NUGGC: variants seen among roughly 807,000 people sequenced by gnomAD.
NUGGC encodes the protein nuclear GTPase SLIP-GC.
A neutral mutation model predicts 92.6 loss-of-function variants in NUGGC; 58 were observed. The observed-to-expected ratio is 0.63, with a 90% CI of 0.51 to 0.78. The LOEUF (loss-of-function observed/expected upper bound fraction) is 0.78, where lower values mean the gene tolerates loss of function less well. NUGGC is among the 30% of genes least tolerant of loss of function. NUGGC has a pLI of 0.00. For missense variants in NUGGC, 925 were observed against 964.6 expected (o/e 0.96, Z 0.54); for synonymous variants, 376 against 366.4 (o/e 1.03, Z -0.30).
intron 2 of NUGGC, 118 bp from the exon 3 acceptor site, chr8:28,070,474 T>TGTCTGTAATCTG: frequency 1.7e-6 from 1 of 592,380 alleles, no homozygotes; most frequent in East Asian, 2.9e-5. Flanking sequence ...CAGTGGCTCA[T>TGTCTGTAATCTG]GTCTGTAATC....
At chr8:28,043,738 A>G (rs1196614868) in intron 12 of NUGGC, among the ~76,000 whole-genome samples, 2 of 152,202 alleles carry the variant, frequency 1.3e-5, no homozygotes, top group Non-Finnish European at 2.9e-5. Context: ...TTTGTAAAAT[A>G]CACCAACCTC....
In NUGGC at chr8:28,052,433, A is replaced by G. The variant is rs559395399; in HGVS notation, c.1206+3532T>C. ...TTGAGGATGAAATGTATTAAGATGA[A>G]GTCATAATGGAGTAGGGTGGGCCCC... On this transcript the variant is annotated intron_variant, in intron 10 of 18. Transcript: ENST00000413272. Among the ~76,000 whole-genome samples the G allele has an allele frequency of 2.6e-5, 4 of 152,322 alleles. No homozygotes were observed. In the South Asian group the frequency reaches 8.3e-4, roughly 32 times the overall value.
chr8:28,073,713 CCTT>C (rs1213238062), intron 2 of NUGGC, among the ~76,000 whole-genome samples: 1 of 152,164 alleles, frequency 6.6e-6, no homozygotes, highest in Non-Finnish European at 1.5e-5. Flanking sequence ...CTACATCTCT[CCTT>C]CTACGGAAAG....
At chr8:28,059,725 C>G (rs1183010999) in intron 8 of NUGGC, among the ~76,000 whole-genome samples, 1 of 152,064 alleles carries the variant, frequency 6.6e-6, no homozygotes, top group Non-Finnish European at 1.5e-5. Context: ...CCTGAAACAT[C>G]AAAGCTGTAC....
At chr8:28,030,504 C>T in intron 15 of NUGGC, 86 bp from the exon 16 acceptor site, 4 of 711,202 alleles carry the variant, frequency 5.6e-6, no homozygotes, top group South Asian at 1.5e-5. Flanking sequence ...CCACCATTCC[C>T]TCCACCTCCA....
At chr8:28,026,475 T>G (rs1809262804) in intron 18 of NUGGC, among the ~76,000 whole-genome samples, 1 of 152,194 alleles carries the variant, frequency 6.6e-6, no homozygotes, top group African/African-American at 2.4e-5. Flanking sequence ...AGAGAAGCCT[T>G]TCTCCACCAT....
chr8:28,049,029 T>C (rs1209552624), intron 10 of NUGGC, among the ~76,000 whole-genome samples: 2 of 152,038 alleles, frequency 1.3e-5, no homozygotes, highest in Admixed American at 6.6e-5. Flanking sequence ...CATTCACCTA[T>C]AGAATGTGCA....
Position 28,047,563 on chromosome 8 carries a change from T to G in NUGGC, c.1256A>C (p.Tyr419Ser), listed in dbSNP as rs1809872262. The change falls in exon 11 of 19, where the codon TAT becomes TCT. Residue 419 changes from tyrosine (Y) to serine (S), a missense_variant. Transcript: ENST00000413272. ...CCAGTACTCCTGGGCGCTGACTGTA[T>G]ACACCAGATCTGAGGCTTCCAGAAC... The part of the protein sequence containing the change: ...FKVLEASDLV[Y>S]TVSAQEYWQQ... The G allele has an allele frequency of 6.4e-7, 1 of 1,571,450 alleles. No individual in the cohort carries two copies. Among genetic ancestry groups the G allele is most frequent in the Admixed American group, 1.9e-5 (1 of 53,810 alleles).
chr8:28,059,290 C>T (rs1370529736), intron 8 of NUGGC, among the ~76,000 whole-genome samples: 2 of 152,102 alleles, frequency 1.3e-5, no homozygotes, highest in Admixed American at 6.6e-5. Context: ...AGTTTATACC[C>T]GCTGATCCCC....
chr8:28,079,259 G>A (rs1270314457), intron 1 of NUGGC, among the ~76,000 whole-genome samples: 11 of 152,070 alleles, frequency 7.2e-5, no homozygotes, highest in Admixed American at 6.6e-5. Flanking sequence ...TAAAGAATGC[G>A]GGCCGGGTGC....
At chr8:28,064,828 A>G in intron 6 of NUGGC, 97 bp from the exon 7 acceptor site, 1 of 1,007,466 alleles carries the variant, frequency 9.9e-7, no homozygotes, top group Non-Finnish European at 1.5e-6. Flanking sequence ...TATGCTGAGT[A>G]AGGGTAAGAA....
intron 2 of NUGGC, among the ~76,000 whole-genome samples, chr8:28,072,900 G>A (rs1947384): frequency 6.6e-6 from 1 of 151,602 alleles, no homozygotes; most frequent in Non-Finnish European, 1.5e-5. Context: ...TCCAAAAAGC[G>A]TAGTATACTG....
At chr8:28,029,455 C>A (rs998470922) in intron 16 of NUGGC, 53 bp from the exon 17 acceptor site, 117 of 1,597,578 alleles carry the variant, frequency 7.3e-5, no homozygotes, top group Non-Finnish European at 8.7e-5. Context: ...GCTTAGAAAT[C>A]TTTGGCACCA....
At chr8:28,059,439 A>G (rs1326947225) in intron 8 of NUGGC, among the ~76,000 whole-genome samples, 1 of 152,216 alleles carries the variant, frequency 6.6e-6, no homozygotes, top group Admixed American at 6.5e-5. Context: ...CATACCTTTC[A>G]TTGTAATTTG....
intron 2 of NUGGC, among the ~76,000 whole-genome samples, chr8:28,073,035 C>T (rs1349798839): frequency 6.6e-6 from 1 of 150,928 alleles, no homozygotes; most frequent in East Asian, 1.9e-4. Flanking sequence ...ACGAGGTCTC[C>T]ACTCTCGCCC....
At chr8:28,072,182 G>A (rs1343595491) in intron 2 of NUGGC, among the ~76,000 whole-genome samples, 1 of 152,204 alleles carries the variant, frequency 6.6e-6, no homozygotes, top group Non-Finnish European at 1.5e-5. Flanking sequence ...GTTGAGAGAG[G>A]TTATACTTCG....
chr8:28,066,742 A>G (rs1810448126), intron 6 of NUGGC, among the ~76,000 whole-genome samples: 1 of 152,258 alleles, frequency 6.6e-6, no homozygotes, highest in Non-Finnish European at 1.5e-5. Context: ...TTATAAAAGC[A>G]AGAATATCAT....
chr8:28,041,045 A>T lies in NUGGC; in HGVS notation c.1611+6T>A. On this transcript the variant is annotated splice_donor_region_variant and intron_variant, in intron 13 of 18. Transcript: ENST00000413272. Reference sequence around the variant, plus strand: ...TATCTGAGTTTTCCCTGGAAGGGTCACTCACCACCAAGCATGCTCTGAGGA... The same window carrying T: ...TATCTGAGTTTTCCCTGGAAGGGTCTCTCACCACCAAGCATGCTCTGAGGA... The T allele has an allele frequency of 6.3e-7, 1 of 1,595,866 alleles. No individual in the cohort carries two copies. Among genetic ancestry groups the T allele is most frequent in the Non-Finnish European group, 8.5e-7 (1 of 1,170,668 alleles).
At chr8:28,027,166 C>A in intron 17 of NUGGC, 114 bp from the exon 18 acceptor site, 2 of 811,458 alleles carry the variant, frequency 2.5e-6, no homozygotes, top group South Asian at 1.5e-5. Context: ...CTGGGGTTGC[C>A]AAAGTCAGGC....
Sources: gnomAD v4.1 joint callset for allele counts (sites outside exome capture counted in the v4.1 genomes callset) on GRCh38, gnomAD v4.1.1 for gene constraint, MANE v1.5 for transcripts, NCBI Gene and HGNC (gene_info 2026-07-23, HGNC 2026-07-21) for gene names.